LINGO1: variants seen among roughly 807,000 people sequenced by gnomAD.
LINGO1 encodes the protein leucine rich repeat and Ig domain containing 1.
Under a neutral mutation model 37.3 loss-of-function variants are expected in LINGO1, and 11 were observed. The observed-to-expected ratio is 0.29, with a 90% CI of 0.19 to 0.49. LINGO1 has a LOEUF of 0.49. Ranked by LOEUF, LINGO1 falls within the 20% of genes least tolerant of loss-of-function variation. The pLI is 0.99. For missense variants in LINGO1, 585 were observed against 878.2 expected, an observed-to-expected ratio of 0.67 and a Z score of 4.22; for synonymous variants, 387 against 403.0, an observed-to-expected ratio of 0.96 and a Z score of 0.48.
At chr15:77,777,473 A>G (rs62007824) in intron 1 of LINGO1, among the ~76,000 whole-genome samples, 75,852 of 140,494 alleles carry the variant, frequency 0.54, 19,748 homozygotes, top group South Asian at 0.62. Flanking sequence ...ACGCACACAC[A>G]CACACACACA....
chr15:77,805,037 C>A (rs1366551130), intron 1 of LINGO1, among the ~76,000 whole-genome samples: 1 of 152,244 alleles, frequency 6.6e-6, no homozygotes, highest in Non-Finnish European at 1.5e-5. Context: ...CTGGGTCACA[C>A]AGGAAGTTGG....
chr15:77,761,080 C>T (rs1252282239), intron 1 of LINGO1, among the ~76,000 whole-genome samples: 1 of 151,390 alleles, frequency 6.6e-6, no homozygotes, highest in Non-Finnish European at 1.5e-5. Context: ...GTGCGTGCCA[C>T]CATGCCTGGC....
intron 1 of LINGO1, among the ~76,000 whole-genome samples, chr15:77,777,957 AAGGG>A (rs1416442988): frequency 2.1e-5 from 3 of 142,234 alleles, no homozygotes; most frequent in Non-Finnish European, 1.5e-5. Context: ...GGAATGAAGG[AAGGG>A]AGGGAGGGAG....
chr15:77,750,477 G>A (rs926304521), intron 1 of LINGO1, among the ~76,000 whole-genome samples: 2 of 152,178 alleles, frequency 1.3e-5, no homozygotes, highest in African/African-American at 4.8e-5. Flanking sequence ...GTAGGTGTCA[G>A]GGTCCCCAGC....
At chr15:77,804,063 T>C (rs2076940242) in intron 1 of LINGO1, among the ~76,000 whole-genome samples, 1 of 152,040 alleles carries the variant, frequency 6.6e-6, no homozygotes, top group African/African-American at 2.4e-5. Context: ...TCATGTCACC[T>C]GGGGAATGAG....
chr15:77,633,013 A>G (rs1481613320), upstream of LINGO1, among the ~76,000 whole-genome samples: 1 of 108,312 alleles, frequency 9.2e-6, no homozygotes, highest in African/African-American at 3.5e-5. Context: ...AAACCTGGTG[A>G]TGGTGGTGGT....
chr15:77,733,850 C>T (rs1460731561), intron 2 of LINGO1, among the ~76,000 whole-genome samples: 1 of 148,698 alleles, frequency 6.7e-6, no homozygotes, highest in Non-Finnish European at 1.5e-5. Flanking sequence ...TCTGAGCTGC[C>T]GAGGGCTGCA....
chr15:77,641,435 C>T (rs1382263739), intron 3 of LINGO1, among the ~76,000 whole-genome samples: 1 of 152,214 alleles, frequency 6.6e-6, no homozygotes, highest in Non-Finnish European at 1.5e-5. Flanking sequence ...CACCCAGCTG[C>T]ATCACCCCGG....
At chr15:77,719,713 T>C (rs2076026067) in intron 2 of LINGO1, among the ~76,000 whole-genome samples, 1 of 149,742 alleles carries the variant, frequency 6.7e-6, no homozygotes, top group Non-Finnish European at 1.5e-5. Flanking sequence ...TACATATGTG[T>C]ACTCACATTC....
At chr15:77,681,115 T>C (rs2075406183) in intron 2 of LINGO1, among the ~76,000 whole-genome samples, 1 of 152,040 alleles carries the variant, frequency 6.6e-6, no homozygotes, top group Non-Finnish European at 1.5e-5. Flanking sequence ...AAAAACAAAG[T>C]CATACCGGAA....
At chr15:77,809,861 G>A (rs530621502) in intron 1 of LINGO1, among the ~76,000 whole-genome samples, 19 of 152,282 alleles carry the variant, frequency 1.2e-4, no homozygotes, top group African/African-American at 4.1e-4. Context: ...ACTCGTCCGA[G>A]GTGAGGTGGC....
chr15:77,742,361 C>T (rs62007784), intron 1 of LINGO1, among the ~76,000 whole-genome samples: 56,875 of 152,122 alleles, frequency 0.37, 11,488 homozygotes, highest in Admixed American at 0.52. Context: ...CACAGAGCCA[C>T]TCGATGGCCA....
In LINGO1 at chr15:77,816,258, C is replaced by T. The variant is rs1247500681; in HGVS notation, c.-458+4000G>A. On this transcript the variant is annotated intron_variant, in intron 1 of 5. Coordinates refer to the LINGO1 transcript ENST00000562933. ...AGGCTCATCACTGGTATCCCCAGCA[C>T]TCAGTCCAGGTCTCAAGCCAGAAGA... Among the ~76,000 whole-genome samples the T allele has an allele frequency of 2.0e-5, 3 of 152,222 alleles. No individual in the cohort carries two copies. In the East Asian group the frequency reaches 5.8e-4, roughly 29 times the overall value.
chr15:77,646,042 G>A lies in LINGO1; in HGVS notation c.-12-30142C>T, dbSNP rs1487631247. ...GGGATGGTGTCTGCCTCATTTAGAGGCTGGGGAGTGGGCGAGATAAAAGGG... is the reference window on the plus strand; with the variant it reads ...GGGATGGTGTCTGCCTCATTTAGAGACTGGGGAGTGGGCGAGATAAAAGGG... On this transcript the variant is annotated intron_variant, in intron 3 of 3. Transcript: ENST00000559893. Among the ~76,000 whole-genome samples the A allele has an allele frequency of 2.6e-5, 4 of 152,370 alleles. No homozygotes were observed. The East Asian group carries it at 7.7e-4, about 29-fold the overall frequency.
intron 3 of LINGO1, among the ~76,000 whole-genome samples, chr15:77,668,558 T>C (rs1046211724): frequency 3.3e-5 from 5 of 152,232 alleles, no homozygotes; most frequent in African/African-American, 1.2e-4. Flanking sequence ...GAAGCCCCTT[T>C]AGAGACAACC....
intron 1 of LINGO1, among the ~76,000 whole-genome samples, chr15:77,746,776 G>T (rs541477877): frequency 6.6e-5 from 10 of 152,170 alleles, no homozygotes; most frequent in Non-Finnish European, 1.3e-4. Context: ...ACTGGGGGGT[G>T]TATCCATCTT....
chr15:77,639,873 GT>G (rs1246640887), intron 3 of LINGO1, among the ~76,000 whole-genome samples: 2 of 152,156 alleles, frequency 1.3e-5, no homozygotes, highest in Non-Finnish European at 2.9e-5. Context: ...AGAAGGGGAG[GT>G]GGCAGAGTCA....
At chr15:77,712,346 C>G (rs575176060) in intron 2 of LINGO1, among the ~76,000 whole-genome samples, 39 of 152,290 alleles carry the variant, frequency 2.6e-4, no homozygotes, top group African/African-American at 7.5e-4. Context: ...TCCGCCCTCA[C>G]TGCCCTTGGT....
chr15:77,628,239 C>T (rs1437356138), intron 1 of LINGO1, among the ~76,000 whole-genome samples: 3 of 152,258 alleles, frequency 2.0e-5, no homozygotes, highest in African/African-American at 7.2e-5. Flanking sequence ...CTGCATGTTG[C>T]CTCAGAGATG....
Sources: gnomAD v4.1 joint callset for allele counts (sites outside exome capture counted in the v4.1 genomes callset) on GRCh38, gnomAD v4.1.1 for gene constraint, MANE v1.5 for transcripts, NCBI Gene and HGNC (gene_info 2026-07-23, HGNC 2026-07-21) for gene names.